Variants in ATXN10 observed in about 807,000 individuals in gnomAD.
ATXN10 encodes ataxin-10.
ATXN10 carries 28 observed loss-of-function variants against 52.9 expected under a neutral mutation model. The ratio of observed to expected loss-of-function variants is 0.53; its 90% CI spans 0.39 to 0.73. The LOEUF (loss-of-function observed/expected upper bound fraction) is 0.73. ATXN10 is among the 30% of genes least tolerant of loss of function. The probability of loss-of-function intolerance (pLI) is 0.00; values close to 1 mark genes in which losing one functional copy is unlikely to be tolerated. For synonymous variants in ATXN10, 226 were observed against 221.5 expected, an observed-to-expected ratio of 1.02 and a Z score of -0.18; for missense variants, 565 against 577.0, an observed-to-expected ratio of 0.98 and a Z score of 0.21.
At position 45,677,502 on chromosome 22, in the gene ATXN10, G is replaced by A. The variant is rs1922745787; in HGVS notation, c.116+5323G>A. ...AATTTAAAAATTAAAAAAAAATTCAGGCCAAAAGGTCTTAAAAAAAAAAAA... is the reference window on the plus strand; with the variant it reads ...AATTTAAAAATTAAAAAAAAATTCAAGCCAAAAGGTCTTAAAAAAAAAAAA... On this transcript the variant is annotated intron_variant, in intron 1 of 11. Coordinates refer to ENST00000252934, the MANE Select transcript of ATXN10 (RefSeq NM_013236.4). This position sits in a 1 kb window ranked among gnomAD's most constrained non-coding sequence, Gnocchi z 4.1. 1 of 144,828 alleles carries A rather than the reference G, an allele frequency of 6.9e-6. No homozygotes were observed. The allele number at this position is 144,828 out of a possible 1,614,324, so 9.0% of individuals were successfully genotyped here.
chr22:45,835,814 GAC>G lies in ATXN10; in HGVS notation c.1238-7175_1238-7174del, dbSNP rs1929149590. Among the ~76,000 whole-genome samples, 1 of 152,104 alleles carries G rather than the reference GAC, an allele frequency of 6.6e-6. No individual in the cohort carries two copies. Among genetic ancestry groups the G allele is most frequent in the African/African-American group, 2.4e-5 (1 of 41,416 alleles). On this transcript the variant is annotated intron_variant, in intron 10 of 11. Coordinates refer to ENST00000252934, the MANE Select transcript of ATXN10 (RefSeq NM_013236.4). This position sits in a 1 kb window ranked among gnomAD's most constrained non-coding sequence, Gnocchi z 5.0. ...ATTGTAACCTATAATTTCCAAATCT[GAC>G]AATTATTTCTCTGCCTTCTTTTAGT...
intron 3 of ATXN10, among the ~76,000 whole-genome samples, chr22:45,699,495 T>TC (rs1387613118): frequency 1.4e-5 from 2 of 145,254 alleles, no homozygotes; most frequent in East Asian, 3.9e-4. Flanking sequence ...CTTTCCTTTT[T>TC]TTTTTTTTTT....
At chr22:45,753,644 C>A (rs1240301772) in intron 9 of ATXN10, among the ~76,000 whole-genome samples, 2 of 151,686 alleles carry the variant, frequency 1.3e-5, no homozygotes, top group East Asian at 3.9e-4. Context: ...TGACTTCAGG[C>A]AATCCACCCG....
chr22:45,800,196 G>A (rs1927885063), intron 9 of ATXN10, among the ~76,000 whole-genome samples: 1 of 152,062 alleles, frequency 6.6e-6, no homozygotes, highest in African/African-American at 2.4e-5. Flanking sequence ...ACAAGCCATG[G>A]TATACGAGAA....
At chr22:45,699,490 C>CTTTTTTT (rs917191404) in intron 3 of ATXN10, among the ~76,000 whole-genome samples, 3 of 117,282 alleles carry the variant, frequency 2.6e-5, no homozygotes, top group South Asian at 2.7e-4. Context: ...TTTTTCTTTC[C>CTTTTTTT]TTTTTTTTTT....
chr22:45,808,747 T>C (rs1185359846), intron 10 of ATXN10, among the ~76,000 whole-genome samples: 1 of 152,184 alleles, frequency 6.6e-6, no homozygotes, highest in Non-Finnish European at 1.5e-5. Context: ...TTCTTAAAAG[T>C]CACCGGGAGG....
chr22:45,687,538 G>C (rs1657314469), intron 1 of ATXN10, among the ~76,000 whole-genome samples: 1 of 152,192 alleles, frequency 6.6e-6, no homozygotes, highest in Non-Finnish European at 1.5e-5. Context: ...AGGCGTTATT[G>C]AAGCTTATTC....
chr22:45,802,278 C>T (rs981812742), intron 9 of ATXN10, among the ~76,000 whole-genome samples: 6 of 152,306 alleles, frequency 3.9e-5, no homozygotes, highest in Admixed American at 2.6e-4. Flanking sequence ...AATTACGGGC[C>T]TACAATCAAC....
At chr22:45,689,991 G>T (rs1923307897) in intron 2 of ATXN10, 88 bp downstream of exon 2, 1 of 1,421,000 alleles carries the variant, frequency 7.0e-7, no homozygotes, top group African/African-American at 1.4e-5. Context: ...AGTTGTTTTG[G>T]GCTGGGTAAG....
Position 45,781,472 on chromosome 22 carries a change from G to C in ATXN10, c.1174-25487G>C, listed in dbSNP as rs367918700. Among the ~76,000 whole-genome samples, 10 of 152,306 alleles carry C rather than the reference G, an allele frequency of 6.6e-5. No individual in the cohort carries two copies. In the South Asian group the frequency reaches 1.7e-3, roughly 25 times the overall value. ...AGTAGTGAGCTGCTCTGCCTTCCAC[G>C]TGCTGTTGTTGAACGAGCTCTGCTA... On this transcript the variant is annotated intron_variant, in intron 9 of 11. Coordinates refer to ENST00000252934, the MANE Select transcript of ATXN10 (RefSeq NM_013236.4). This position sits in a 1 kb window ranked among gnomAD's most constrained non-coding sequence, Gnocchi z 4.2.
intron 3 of ATXN10, among the ~76,000 whole-genome samples, chr22:45,699,505 T>TG (rs1923753897): frequency 6.8e-6 from 1 of 147,826 alleles, no homozygotes; most frequent in South Asian, 2.2e-4. Flanking sequence ...TTTTTTTTTT[T>TG]TTTTGAGACA....
chr22:45,785,696 C>G (rs916535370), intron 9 of ATXN10, among the ~76,000 whole-genome samples: 1 of 152,196 alleles, frequency 6.6e-6, no homozygotes, highest in Non-Finnish European at 1.5e-5. Context: ...ACTCAGTGCT[C>G]CTGGGTCCTG....
Position 45,816,335 on chromosome 22 carries a change from ATAG to A in ATXN10, c.1237+9317_1237+9319del, listed in dbSNP as rs1233371049. Among the ~76,000 whole-genome samples, 1 of 152,218 alleles carries A rather than the reference ATAG, an allele frequency of 6.6e-6. No individual in the cohort carries two copies. Among genetic ancestry groups the A allele is most frequent in the African/African-American group, 2.4e-5 (1 of 41,456 alleles). On this transcript the variant is annotated intron_variant, in intron 10 of 11. Coordinates refer to ENST00000252934, the MANE Select transcript of ATXN10 (RefSeq NM_013236.4). The surrounding 1 kb of genome is among the most constrained non-coding windows in gnomAD (Gnocchi z 5.8). ...TCAGGAGAAAGTGCTGAGCACTGAG[ATAG>A]TAGCTCCTTGGGAAACAGATACCTC...
At chr22:45,830,222 A>C (rs1928944088) in intron 10 of ATXN10, among the ~76,000 whole-genome samples, 1 of 152,242 alleles carries the variant, frequency 6.6e-6, no homozygotes, top group Non-Finnish European at 1.5e-5. Context: ...ATTAACTCAA[A>C]GTGGATTAAA....
Position 45,781,165 on chromosome 22 carries a change from A to G in ATXN10, c.1174-25794A>G, listed in dbSNP as rs1927136103. 6.6e-6 allele frequency among the ~76,000 whole-genome samples: 1 copy of G among 152,216 alleles called. No individual in the cohort carries two copies. The highest frequency in any genetic ancestry group is 2.4e-5 in the African/African-American group (1 of 41,464). On this transcript the variant is annotated intron_variant, in intron 9 of 11. Transcript: ENST00000252934. This position sits in a 1 kb window ranked among gnomAD's most constrained non-coding sequence, Gnocchi z 4.2. ...AAGAATGTGGCCCCAGCCCACCAAC[A>G]ATGGCTGAATGGGGAGCCGAAACAG...
At chr22:45,711,004 C>G (rs528467557) in intron 5 of ATXN10, among the ~76,000 whole-genome samples, 2 of 152,142 alleles carry the variant, frequency 1.3e-5, no homozygotes, top group South Asian at 4.2e-4. Flanking sequence ...CTCTAGAACT[C>G]TATACAGGCT....
intron 9 of ATXN10, among the ~76,000 whole-genome samples, chr22:45,776,284 A>G (rs549905826): frequency 6.6e-6 from 1 of 152,300 alleles, no homozygotes; most frequent in African/African-American, 2.4e-5. Flanking sequence ...ATAACAACCA[A>G]TCTTTTGATA....
At chr22:45,756,172 G>A (rs752943505) in intron 9 of ATXN10, among the ~76,000 whole-genome samples, 4 of 152,142 alleles carry the variant, frequency 2.6e-5, no homozygotes, top group Admixed American at 6.5e-5. Flanking sequence ...AAGAGACAAG[G>A]TTGTGCTTTC....
chr22:45,687,687 A>G (rs1304553281), intron 1 of ATXN10, among the ~76,000 whole-genome samples: 6 of 152,142 alleles, frequency 3.9e-5, no homozygotes, highest in African/African-American at 1.4e-4. Flanking sequence ...CATTCTTCAT[A>G]GTGTTTTAAA....
Sources: gnomAD v4.1 joint callset for allele counts (sites outside exome capture counted in the v4.1 genomes callset) on GRCh38, gnomAD v4.1.1 for gene constraint, Gnocchi (gnomAD v3.1) non-coding constraint, MANE v1.5 for transcripts, NCBI Gene and HGNC (gene_info 2026-07-23, HGNC 2026-07-21) for gene names.